Variants in BCL2L13 observed in about 807,000 individuals in gnomAD.
The protein encoded by BCL2L13 is BCL2 like 13, also known as bcl-2-like protein 13.
Under a neutral mutation model 25.8 loss-of-function variants are expected in BCL2L13, and 13 were observed. The ratio of observed to expected loss-of-function variants is 0.50; its 90% CI spans 0.33 to 0.80. The LOEUF (loss-of-function observed/expected upper bound fraction) is 0.80, where lower values mean the gene tolerates loss of function less well. BCL2L13 is among the 30% of genes least tolerant of loss of function. The pLI is 0.02. For synonymous variants in BCL2L13, 244 were observed against 230.3 expected (o/e 1.06, Z -0.54); for missense variants, 504 against 574.9 (o/e 0.88, Z 1.26).
intron 5 of BCL2L13, 93 bp downstream of exon 5, chr22:17,696,303 T>TA (rs1342705036): frequency 1.0e-5 from 11 of 1,048,420 alleles, no homozygotes; most frequent in Non-Finnish European, 1.5e-6. Flanking sequence ...AGAAAACTGT[T>TA]AGAGCTCATT....
intron 3 of BCL2L13, among the ~76,000 whole-genome samples, chr22:17,688,580 A>G (rs2060012325): frequency 6.6e-6 from 1 of 152,132 alleles, no homozygotes; most frequent in Non-Finnish European, 1.5e-5. Context: ...TTTCTCTTAA[A>G]TCTAAGCTTT....
At chr22:17,630,818 C>T (rs934496561) in intron 1 of BCL2L13, among the ~76,000 whole-genome samples, 5 of 151,174 alleles carry the variant, frequency 3.3e-5, no homozygotes, top group South Asian at 2.1e-4. Flanking sequence ...CTTGAACTCC[C>T]GACCTCAGGT....
Position 17,715,737 on chromosome 22 carries a change from G to A in BCL2L13, c.601-10940G>A, listed in dbSNP as rs917015316. Reference sequence around the variant, plus strand: ...GAAGGATTCAGATGGGCAGAATTGGGAGAGCATTCTGGACTTTCTGGATTG... The same window carrying A: ...GAAGGATTCAGATGGGCAGAATTGGAAGAGCATTCTGGACTTTCTGGATTG... On this transcript the variant is annotated intron_variant, in intron 6 of 6. Coordinates refer to ENST00000317582, the MANE Select transcript of BCL2L13 (RefSeq NM_015367.4). Among the ~76,000 whole-genome samples, 3 of 152,170 alleles carry A rather than the reference G, an allele frequency of 2.0e-5. No individual in the cohort carries two copies. In the South Asian group the frequency reaches 6.2e-4, roughly 32 times the overall value.
At chr22:17,682,509 G>A (rs976242262) in intron 2 of BCL2L13, among the ~76,000 whole-genome samples, 3 of 152,168 alleles carry the variant, frequency 2.0e-5, no homozygotes, top group African/African-American at 4.8e-5. Flanking sequence ...AATATTAATA[G>A]CATGAATTCT....
intron 6 of BCL2L13, among the ~76,000 whole-genome samples, chr22:17,717,727 GT>G (rs1008662101): frequency 2.0e-5 from 3 of 151,938 alleles, no homozygotes; most frequent in African/African-American, 7.3e-5. Context: ...TTAACTTACT[GT>G]TTTTTTTATA....
intron 6 of BCL2L13, among the ~76,000 whole-genome samples, chr22:17,722,076 T>C (rs80069393): frequency 0.015 from 2,245 of 152,352 alleles, 57 homozygotes; most frequent in African/African-American, 0.05. Context: ...TTTTATTATG[T>C]ATAAATATAT....
At position 17,654,391 on chromosome 22, in the gene BCL2L13, G is replaced by A. The variant is rs2058783292; in HGVS notation, c.-50-1271G>A. 2.0e-5 allele frequency among the ~76,000 whole-genome samples: 3 copies of A among 147,340 alleles called. No individual in the cohort carries two copies. The Admixed American group carries it at 2.0e-4, about 10-fold the overall frequency. On this transcript the variant is annotated intron_variant, in intron 1 of 6. Transcript: ENST00000317582. ...GTGCTGGGATTATGGGTATGAGCCA[G>A]CACACCTAGCTTTTTGTCTTCTCTC...
Position 17,689,109 on chromosome 22 carries a change from C to A in BCL2L13, c.353C>A (p.Pro118His). 1.9e-6 allele frequency: 3 copies of A among 1,614,148 alleles called. No homozygotes were observed. The South Asian group carries it at 3.3e-5, about 18-fold the overall frequency. ...GEKVSQELKE[P>H]LHKALQMLLS... ...AAAGTGTCCCAGGAACTGAAAGAGCCTCTCCATAAAGCATTGCAAATGCTC... is the reference window on the plus strand; with the variant it reads ...AAAGTGTCCCAGGAACTGAAAGAGCATCTCCATAAAGCATTGCAAATGCTC... The change falls in exon 4 of 7, where the codon CCT (proline) becomes CAT (histidine). Residue 118 changes from proline to histidine, a missense_variant. Pro to His is a moderately conservative substitution (Grantham distance 77, BLOSUM62 -2). Coordinates refer to ENST00000317582, the MANE Select transcript of BCL2L13 (RefSeq NM_015367.4).
At chr22:17,680,904 G>T (rs2059733357) in intron 2 of BCL2L13, among the ~76,000 whole-genome samples, 1 of 152,086 alleles carries the variant, frequency 6.6e-6, no homozygotes. Context: ...TACCATACCT[G>T]CGAGGTCTGG....
chr22:17,632,749 CTTCTT>C (rs2058050472), intron 1 of BCL2L13, among the ~76,000 whole-genome samples: 2 of 143,520 alleles, frequency 1.4e-5, no homozygotes, highest in Non-Finnish European at 3.1e-5. Context: ...TATGATTCTT[CTTCTT>C]TTTTTTTTTT....
At chr22:17,713,561 A>C (rs994941383) in intron 6 of BCL2L13, among the ~76,000 whole-genome samples, 2 of 150,126 alleles carry the variant, frequency 1.3e-5, no homozygotes, top group African/African-American at 4.9e-5. Context: ...TCCTGGGTTC[A>C]AGTGATTCTC....
intron 2 of BCL2L13, among the ~76,000 whole-genome samples, chr22:17,664,494 T>C (rs544452784): frequency 6.6e-6 from 1 of 152,198 alleles, no homozygotes; most frequent in African/African-American, 2.4e-5. Flanking sequence ...TGTCAGTGGA[T>C]CTACCATTCT....
chr22:17,714,902 C>G (rs1043188343), intron 6 of BCL2L13, among the ~76,000 whole-genome samples: 9 of 151,458 alleles, frequency 5.9e-5, no homozygotes, highest in African/African-American at 2.2e-4. Context: ...GCCTATAATC[C>G]CAGCACTTTG....
At chr22:17,723,454 T>C (rs1215025749) in intron 6 of BCL2L13, among the ~76,000 whole-genome samples, 1 of 152,142 alleles carries the variant, frequency 6.6e-6, no homozygotes, top group African/African-American at 2.4e-5. Context: ...CAAGGGAGGG[T>C]ATTGTTTCCA....
intron 1 of BCL2L13, among the ~76,000 whole-genome samples, chr22:17,630,051 C>T (rs940841360): frequency 6.6e-6 from 1 of 151,862 alleles, no homozygotes; most frequent in Non-Finnish European, 1.5e-5. Context: ...AAACCCCAGT[C>T]TCTACTAAAA....
intron 5 of BCL2L13, among the ~76,000 whole-genome samples, chr22:17,700,982 A>G (rs917148784): frequency 6.6e-6 from 1 of 152,194 alleles, no homozygotes; most frequent in African/African-American, 2.4e-5. Context: ...AGCAAATGGA[A>G]TTGGTTTCAT....
intron 3 of BCL2L13, among the ~76,000 whole-genome samples, chr22:17,684,876 G>A (rs1042671417): frequency 6.6e-6 from 1 of 152,028 alleles, no homozygotes; most frequent in Non-Finnish European, 1.5e-5. Flanking sequence ...GGGACTACAG[G>A]CGCCTGCCAC....
chr22:17,651,631 C>T (rs1051491745), intron 1 of BCL2L13, among the ~76,000 whole-genome samples: 1 of 151,370 alleles, frequency 6.6e-6, no homozygotes, highest in Non-Finnish European at 1.5e-5. Flanking sequence ...ATCTACCTGC[C>T]TCAGGCTCCC....
chr22:17,696,015 C>A, intron 4 of BCL2L13, 126 bp from the exon 5 acceptor site: 1 of 559,006 alleles, frequency 1.8e-6, no homozygotes, highest in Non-Finnish European at 3.3e-6. Flanking sequence ...TTGTACAAAA[C>A]AGTATGTTGA....
Sources: gnomAD v4.1 joint callset for allele counts (sites outside exome capture counted in the v4.1 genomes callset) on GRCh38, gnomAD v4.1.1 for gene constraint, MANE v1.5 for transcripts, NCBI Gene and HGNC (gene_info 2026-07-23, HGNC 2026-07-21) for gene names.